The following C12orf42 variants were observed in gnomAD, a reference collection of about 807,000 sequenced individuals.
C12orf42 encodes the protein chromosome 12 open reading frame 42, also known as uncharacterized protein C12orf42.
In C12orf42, 25 loss-of-function variants were observed where a neutral mutation model predicts 21.6. The observed-to-expected ratio is 1.16, with a 90% CI of 0.84 to 1.62. The LOEUF (loss-of-function observed/expected upper bound fraction) is 1.62, where lower values mean the gene tolerates loss of function less well. Among genes scored for constraint, C12orf42 ranks in the 40% most tolerant of loss-of-function variants. C12orf42 has a pLI of 0.00. For missense variants in C12orf42, 483 were observed against 459.3 expected (o/e 1.05, Z -0.47); for synonymous variants, 174 against 175.0 (o/e 0.99, Z 0.05).
chr12:103,099,108 A>G, the C12orf42 span, among the ~76,000 whole-genome samples: 3 of 152,234 alleles, frequency 2.0e-5, no homozygotes, highest in African/African-American at 7.2e-5. Flanking sequence ...TTGATCTGGA[A>G]GTAATTTTTA....
At chr12:103,242,706 T>C (rs979217204) in intron 10 of C12orf42, among the ~76,000 whole-genome samples, 3 of 152,136 alleles carry the variant, frequency 2.0e-5, no homozygotes, top group Admixed American at 6.6e-5. Context: ...CAAGTTGGAA[T>C]AGGTGATGAA....
chr12:103,094,563 T>C, the C12orf42 span, among the ~76,000 whole-genome samples: 3 of 152,206 alleles, frequency 2.0e-5, no homozygotes, highest in Non-Finnish European at 2.9e-5. Flanking sequence ...CTTCCTCCTC[T>C]GACTTTCCAC....
At chr12:103,224,249 G>A in the C12orf42 span, among the ~76,000 whole-genome samples, 1 of 152,192 alleles carries the variant, frequency 6.6e-6, no homozygotes. Flanking sequence ...GGGAAGGGAG[G>A]CGGCCTGAAT....
chr12:103,259,009 T>C (rs2034758320), intron 10 of C12orf42, among the ~76,000 whole-genome samples: 1 of 152,190 alleles, frequency 6.6e-6, no homozygotes, highest in Admixed American at 6.5e-5. Flanking sequence ...CAAGGTGGTG[T>C]TCTTGCCCTA....
chr12:103,509,323 T>C, the C12orf42 span, among the ~76,000 whole-genome samples: 40 of 152,208 alleles, frequency 2.6e-4, no homozygotes, highest in African/African-American at 8.7e-4. Flanking sequence ...CACTACCCAA[T>C]TGAGAGCCTC....
At chr12:103,063,892 C>T in the C12orf42 span, among the ~76,000 whole-genome samples, 1 of 152,100 alleles carries the variant, frequency 6.6e-6, no homozygotes, top group African/African-American at 2.4e-5. Context: ...TTGGATCAGG[C>T]TGTGTTAATT....
the C12orf42 span, among the ~76,000 whole-genome samples, chr12:103,195,808 T>A: frequency 6.6e-6 from 1 of 152,148 alleles, no homozygotes. Flanking sequence ...AATTTCTCAA[T>A]TTTTGTTTTT....
chr12:103,519,999 G>A, the C12orf42 span, among the ~76,000 whole-genome samples: 1 of 152,202 alleles, frequency 6.6e-6, no homozygotes, highest in Non-Finnish European at 1.5e-5. Context: ...GAGATGTCTG[G>A]ATGCAAACAG....
intron 2 of C12orf42, among the ~76,000 whole-genome samples, chr12:103,471,427 A>G (rs1230287873): frequency 6.6e-6 from 1 of 152,246 alleles, no homozygotes; most frequent in Admixed American, 6.5e-5. Context: ...TCCCATACTT[A>G]ACCTAAACAG....
At chr12:103,507,304 A>G in the C12orf42 span, among the ~76,000 whole-genome samples, 1 of 104,324 alleles carries the variant, frequency 9.6e-6, no homozygotes, top group Non-Finnish European at 1.8e-5. Flanking sequence ...TGCGTTATGC[A>G]TTTCTCTACT....
At chr12:103,092,845 G>A in the C12orf42 span, among the ~76,000 whole-genome samples, 2 of 152,182 alleles carry the variant, frequency 1.3e-5, no homozygotes, top group Non-Finnish European at 1.5e-5. Context: ...GCTATAGCAA[G>A]AACGATTCTT....
chr12:103,313,427 A>C (rs1285025357), intron 4 of C12orf42, among the ~76,000 whole-genome samples: 2 of 152,192 alleles, frequency 1.3e-5, no homozygotes, highest in Non-Finnish European at 2.9e-5. Context: ...CACACCCAAG[A>C]GGTGGCAGAG....
intron 4 of C12orf42, among the ~76,000 whole-genome samples, chr12:103,317,761 A>C (rs2039660939): frequency 6.6e-6 from 1 of 152,204 alleles, no homozygotes; most frequent in East Asian, 1.9e-4. Context: ...TTTTTGAAAC[A>C]CTATGTTACC....
At chr12:103,104,171 A>G in the C12orf42 span, among the ~76,000 whole-genome samples, 1 of 152,248 alleles carries the variant, frequency 6.6e-6, no homozygotes, top group African/African-American at 2.4e-5. Flanking sequence ...AAGTAAGATT[A>G]CCTGTGAGCA....
the C12orf42 span, among the ~76,000 whole-genome samples, chr12:103,112,038 C>G: frequency 6.6e-6 from 1 of 152,170 alleles, no homozygotes; most frequent in East Asian, 1.9e-4. Context: ...GTGGTCTTAT[C>G]TGCGTATCAT....
At chr12:103,387,374 T>TAC (rs1255184247) in intron 3 of C12orf42, among the ~76,000 whole-genome samples, 5 of 152,206 alleles carry the variant, frequency 3.3e-5, no homozygotes, top group African/African-American at 1.2e-4. Flanking sequence ...GTTACCACCC[T>TAC]ACACACACAC....
Position 103,401,840 on chromosome 12 carries a change from G to C in C12orf42, c.79-165C>G, listed in dbSNP as rs757899656. Reference sequence around the variant, plus strand: ...TTGCCCACAACACTGTCCCAGGTGCGTTGGGAACAATGGTGAGCCCAAAAC... The same window carrying C: ...TTGCCCACAACACTGTCCCAGGTGCCTTGGGAACAATGGTGAGCCCAAAAC... On this transcript the variant is annotated intron_variant, in intron 2 of 5. Transcript: ENST00000548883. Among the ~76,000 whole-genome samples the C allele has an allele frequency of 6.6e-5, 10 of 152,286 alleles. 1 individual carries two copies. Among genetic ancestry groups the C allele is most frequent in the Admixed American group, 2.0e-4 (3 of 15,300 alleles).
At chr12:103,129,832 T>C in the C12orf42 span, among the ~76,000 whole-genome samples, 1 of 152,292 alleles carries the variant, frequency 6.6e-6, no homozygotes, top group South Asian at 2.1e-4. Flanking sequence ...GTCCAAAAGA[T>C]TCCATGCCCA....
rs183859230 is a variant in C12orf42 at position 103,286,370 on chromosome 12, T to C, written n.338-9160A>G. 4.9e-3 allele frequency among the ~76,000 whole-genome samples: 742 copies of C among 151,742 alleles called. 5 individuals carry two copies. The highest frequency in any genetic ancestry group is 0.01 in the Middle Eastern group (3 of 290). On this transcript the variant is annotated intron_variant and non_coding_transcript_variant, in intron 4 of 6. Coordinates refer to the C12orf42 transcript ENST00000546526. ...GCATAGAGTGGAGTTACTAGCACAATTGTTAGAAATAGATGCCCATGTAGT... is the reference window on the plus strand; with the variant it reads ...GCATAGAGTGGAGTTACTAGCACAACTGTTAGAAATAGATGCCCATGTAGT...
Sources: allele counts gnomAD v4.1 joint callset (sites outside exome capture counted in the v4.1 genomes callset), GRCh38; gene constraint gnomAD v4.1.1; transcripts MANE v1.5; gene names NCBI Gene and HGNC (gene_info 2026-07-23, HGNC 2026-07-21).